Variants in DSE observed in about 807,000 individuals in gnomAD.
DSE encodes dermatan sulfate epimerase, also known as dermatan-sulfate epimerase.
In DSE, 36 loss-of-function variants were observed where a neutral mutation model predicts 84.4. The observed-to-expected ratio is 0.43, with a 90% CI of 0.33 to 0.56. DSE has a LOEUF of 0.56. DSE is among the 20% of genes least tolerant of loss of function. The probability of loss-of-function intolerance (pLI) is 0.06; values close to 1 mark genes in which losing one functional copy is unlikely to be tolerated. For synonymous variants in DSE, 410 were observed against 430.1 expected, an observed-to-expected ratio of 0.95 and a Z score of 0.58; for missense variants, 862 against 1,169.6, an observed-to-expected ratio of 0.74 and a Z score of 3.84.
At chr6:116,390,068 GATTTT>G (rs1296437342) in intron 1 of DSE, among the ~76,000 whole-genome samples, 4 of 151,416 alleles carry the variant, frequency 2.6e-5, no homozygotes, top group Admixed American at 1.3e-4. Flanking sequence ...ATAGTTCCAG[GATTTT>G]ATTTTATTTT....
chr6:116,391,495 T>C (rs532790072), intron 1 of DSE, among the ~76,000 whole-genome samples: 8 of 152,278 alleles, frequency 5.3e-5, no homozygotes, highest in African/African-American at 1.9e-4. Context: ...GGCCAGGCAC[T>C]GTGGCTCACG....
chr6:116,379,693 C>T (rs1290715348), intron 1 of DSE, among the ~76,000 whole-genome samples: 1 of 151,986 alleles, frequency 6.6e-6, no homozygotes, highest in Admixed American at 6.6e-5. Flanking sequence ...TGTTACAGTC[C>T]CAAGATATTC....
intron 1 of DSE, among the ~76,000 whole-genome samples, chr6:116,388,643 G>C (rs1213339683): frequency 2.0e-5 from 3 of 152,170 alleles, no homozygotes; most frequent in Admixed American, 1.3e-4. Flanking sequence ...AATGTATTTT[G>C]ATTAAACATC....
intron 2 of DSE, 80 bp downstream of exon 2, chr6:116,399,746 G>A (rs1315560349): frequency 7.4e-7 from 1 of 1,358,080 alleles, no homozygotes; most frequent in African/African-American, 1.4e-5. Flanking sequence ...TCAGTGGCCA[G>A]ATCTTCATGT....
intron 2 of DSE, among the ~76,000 whole-genome samples, chr6:116,424,508 C>T (rs1783305447): frequency 6.6e-6 from 1 of 152,240 alleles, no homozygotes; most frequent in Admixed American, 6.5e-5. Context: ...CACATAATCA[C>T]TGCCAGCAGT....
At chr6:116,380,751 T>C (rs1780172664) in intron 1 of DSE, among the ~76,000 whole-genome samples, 2 of 152,218 alleles carry the variant, frequency 1.3e-5, no homozygotes, top group African/African-American at 2.4e-5. Context: ...GAGTTGGTGA[T>C]CAAATCCCTT....
rs146590390 is a variant in DSE, at chr6:116,287,097, A to G, written c.-54+28130A>G. On this transcript the variant is annotated intron_variant, in intron 2 of 3. Coordinates refer to the DSE transcript ENST00000430252. The stretch of plus-strand genomic sequence containing the variant: ...AAAACTTTCCATTAATCTCTTTGAA[A>G]GACTCAAAAAAGTACTGACATCAAA... 1.2e-3 allele frequency among the ~76,000 whole-genome samples: 190 copies of G among 152,234 alleles called. 3 individuals are homozygous for G. In the East Asian group the frequency reaches 0.026, roughly 21 times the overall value.
At chr6:116,313,891 A>C (rs1409914448) in intron 2 of DSE, among the ~76,000 whole-genome samples, 1 of 152,238 alleles carries the variant, frequency 6.6e-6, no homozygotes. Context: ...CTATGCCAAT[A>C]ATCTTGCTAA....
chr6:116,384,635 G>T (rs778832616), intron 1 of DSE, among the ~76,000 whole-genome samples: 11 of 151,990 alleles, frequency 7.2e-5, no homozygotes, highest in Non-Finnish European at 1.6e-4. Flanking sequence ...AATTTTTATT[G>T]TTTCTTTTAA....
intron 2 of DSE, among the ~76,000 whole-genome samples, chr6:116,357,753 A>G (rs1489818275): frequency 6.6e-6 from 1 of 152,136 alleles, no homozygotes; most frequent in East Asian, 1.9e-4. Context: ...TACTTTCCCC[A>G]ATGATTCCAA....
intron 2 of DSE, among the ~76,000 whole-genome samples, chr6:116,357,875 C>T (rs1376116092): frequency 6.6e-6 from 1 of 152,180 alleles, no homozygotes; most frequent in East Asian, 1.9e-4. Context: ...CGGCCCATGT[C>T]TGTTGCATTT....
chr6:116,287,765 A>G (rs185428595), intron 2 of DSE, among the ~76,000 whole-genome samples: 127 of 152,196 alleles, frequency 8.3e-4, no homozygotes, highest in African/African-American at 2.8e-3. Flanking sequence ...TTTTGTAATT[A>G]CTAAAATTCA....
At chr6:116,344,281 G>T (rs1777806377) in intron 2 of DSE, among the ~76,000 whole-genome samples, 1 of 152,120 alleles carries the variant, frequency 6.6e-6, no homozygotes, top group Non-Finnish European at 1.5e-5. Context: ...GCAATACGGA[G>T]AATGCCACAA....
intron 2 of DSE, among the ~76,000 whole-genome samples, chr6:116,293,751 A>G (rs1774462406): frequency 6.6e-6 from 1 of 151,802 alleles, no homozygotes; most frequent in African/African-American, 2.4e-5. Context: ...ACAATAGAAA[A>G]ATTAGTCAGG....
At chr6:116,268,453 T>C (rs1772733217) in intron 2 of DSE, among the ~76,000 whole-genome samples, 1 of 152,204 alleles carries the variant, frequency 6.6e-6, no homozygotes, top group Admixed American at 6.5e-5. Flanking sequence ...TCTCAGAATG[T>C]CTCATTGTTA....
chr6:116,329,301 C>T (rs1776806771), intron 2 of DSE, among the ~76,000 whole-genome samples: 1 of 152,152 alleles, frequency 6.6e-6, no homozygotes, highest in Admixed American at 6.5e-5. Flanking sequence ...TAAATACAGG[C>T]TTACATAGTA....
At chr6:116,398,792 TG>T (rs1344326890) in intron 1 of DSE, among the ~76,000 whole-genome samples, 1 of 152,266 alleles carries the variant, frequency 6.6e-6, no homozygotes, top group Non-Finnish European at 1.5e-5. Flanking sequence ...TCTGGTTTTT[TG>T]TAATGTCTAC....
chr6:116,321,614 C>T (rs545672246), intron 2 of DSE, among the ~76,000 whole-genome samples: 2 of 152,112 alleles, frequency 1.3e-5, no homozygotes, highest in East Asian at 3.9e-4. Flanking sequence ...AGTGAAACCC[C>T]GTCTCTACTA....
intron 1 of DSE, chr6:116,256,652 A>C (rs1772155318): frequency 6.6e-6 from 1 of 152,216 alleles, no homozygotes; most frequent in South Asian, 2.1e-4. Flanking sequence ...AGTATAGTCC[A>C]GTTACTATCT....
Sources: allele counts gnomAD v4.1 joint callset (sites outside exome capture counted in the v4.1 genomes callset), GRCh38; gene constraint gnomAD v4.1.1; transcripts MANE v1.5; gene names NCBI Gene and HGNC (gene_info 2026-07-23, HGNC 2026-07-21).